CA10: variants seen among roughly 807,000 people sequenced by gnomAD.
CA10 encodes carbonic anhydrase-related protein 10.
Under a neutral mutation model 44.2 loss-of-function variants are expected in CA10, and 14 were observed. The observed-to-expected ratio is 0.32, with a 90% CI of 0.21 to 0.50. The LOEUF (loss-of-function observed/expected upper bound fraction) is 0.50. Among genes scored for constraint, CA10 ranks in the 20% least tolerant of loss-of-function variants. CA10 has a pLI of 0.99. For missense variants in CA10, 350 were observed against 409.7 expected, an observed-to-expected ratio of 0.85 and a Z score of 1.26; for synonymous variants, 159 against 141.6, an observed-to-expected ratio of 1.12 and a Z score of -0.87.
intron 3 of CA10, among the ~76,000 whole-genome samples, chr17:51,846,650 G>C (rs1357149978): frequency 6.6e-6 from 1 of 152,184 alleles, no homozygotes; most frequent in African/African-American, 2.4e-5. Flanking sequence ...TTGAATGCCA[G>C]CAAAAAGGAT....
intron 2 of CA10, among the ~76,000 whole-genome samples, chr17:52,011,734 G>A (rs1443367534): frequency 6.6e-6 from 1 of 152,028 alleles, no homozygotes; most frequent in African/African-American, 2.4e-5. Context: ...AAGAACTACA[G>A]GAGATCATGA....
chr17:51,747,736 G>C lies in CA10; in HGVS notation c.362C>G (p.Pro121Arg), dbSNP rs1328215586. The C allele has an allele frequency of 6.2e-7, 1 of 1,614,004 alleles. No individual in the cohort carries two copies. Among genetic ancestry groups the C allele is most frequent in the African/African-American group, 1.3e-5 (1 of 74,924 alleles). The change falls in exon 4 of 9, where the codon CCC becomes CGC. Residue 121 changes from proline to arginine, a missense_variant. Coordinates refer to ENST00000451037, the MANE Select transcript of CA10 (RefSeq NM_020178.5). ...CTCCAGCCGGTGGCTGTATGTCATGGGCCCTCCAGATATGTTGACCAAGTG... is the reference window on the plus strand; with the variant it reads ...CTCCAGCCGGTGGCTGTATGTCATGCGCCCTCCAGATATGTTGACCAAGTG... ...KEHLVNISGGPMTYSHRLEEI... is the reference protein window; with the variant it reads ...KEHLVNISGGRMTYSHRLEEI...
At chr17:51,727,820 C>A (rs958100288) in intron 4 of CA10, among the ~76,000 whole-genome samples, 1 of 151,950 alleles carries the variant, frequency 6.6e-6, no homozygotes, top group South Asian at 2.1e-4. Flanking sequence ...ACAGACGATG[C>A]CCCTGTTATT....
At position 52,069,829 on chromosome 17, in the gene CA10, C is replaced by T. The variant is rs79587861; in HGVS notation, c.136+2490G>A. ...GATTCACAACTGTTATGCCAACTGA[C>T]TATTATTTCTAGACACTTCAGTGAG... On this transcript the variant is annotated intron_variant, in intron 2 of 8. Coordinates refer to ENST00000451037, the MANE Select transcript of CA10 (RefSeq NM_020178.5). Among the ~76,000 whole-genome samples, 1,175 of 152,226 alleles carry T rather than the reference C, an allele frequency of 7.7e-3. 13 individuals are homozygous for T. Among genetic ancestry groups the T allele is most frequent in the African/African-American group, 0.027 (1,117 of 41,522 alleles).
At chr17:51,963,862 A>T (rs1287795314) in intron 2 of CA10, among the ~76,000 whole-genome samples, 4 of 152,094 alleles carry the variant, frequency 2.6e-5, no homozygotes, top group African/African-American at 9.7e-5. Flanking sequence ...AACAATAGAA[A>T]CTATAAAGCA....
At chr17:51,826,881 A>G (rs1316116909) in intron 3 of CA10, among the ~76,000 whole-genome samples, 2 of 152,138 alleles carry the variant, frequency 1.3e-5, no homozygotes, top group Non-Finnish European at 2.9e-5. Context: ...CAAATAGCTA[A>G]AGGCAGTGAC....
chr17:52,061,531 T>G (rs967024963), intron 2 of CA10, among the ~76,000 whole-genome samples: 33 of 152,282 alleles, frequency 2.2e-4, no homozygotes, highest in African/African-American at 7.9e-4. Context: ...CACCCAAATC[T>G]CATCTTAAAT....
At chr17:51,665,799 G>A (rs530850786) in intron 4 of CA10, among the ~76,000 whole-genome samples, 1 of 152,352 alleles carries the variant, frequency 6.6e-6, no homozygotes, top group East Asian at 1.9e-4. Context: ...TGTCACATAG[G>A]CAGCCTGTCA....
chr17:51,951,680 T>C (rs1983489511), intron 2 of CA10, among the ~76,000 whole-genome samples: 1 of 152,230 alleles, frequency 6.6e-6, no homozygotes, highest in African/African-American at 2.4e-5. Flanking sequence ...TACTTTACTA[T>C]TGGAAAAACC....
In CA10 at chr17:52,063,211, T is replaced by C. The variant is rs113705318; in HGVS notation, c.136+9108A>G. Among the ~76,000 whole-genome samples the C allele has an allele frequency of 4.9e-3, 753 of 152,350 alleles. 2 individuals are homozygous for C. Among genetic ancestry groups the C allele is most frequent in the African/African-American group, 0.017 (701 of 41,596 alleles). On this transcript the variant is annotated intron_variant, in intron 2 of 8. Coordinates refer to ENST00000451037, the MANE Select transcript of CA10 (RefSeq NM_020178.5). ...TGTTTACCTAATGCCTATACAAACA[T>C]TGCATATTATAAGTAGATGAATTGC... is the stretch of plus-strand genomic sequence containing the variant.
At chr17:51,963,289 T>G (rs1366888958) in intron 2 of CA10, among the ~76,000 whole-genome samples, 2 of 152,080 alleles carry the variant, frequency 1.3e-5, no homozygotes, top group South Asian at 4.2e-4. Flanking sequence ...AACCAACAAA[T>G]TATTGGCATT....
chr17:51,906,599 A>G (rs911860768), intron 3 of CA10, among the ~76,000 whole-genome samples: 1 of 152,132 alleles, frequency 6.6e-6, no homozygotes, highest in African/African-American at 2.4e-5. Context: ...CCATGGACCA[A>G]CAAATTTATA....
intron 4 of CA10, among the ~76,000 whole-genome samples, chr17:51,743,161 C>T (rs949323383): frequency 1.3e-5 from 2 of 152,118 alleles, no homozygotes; most frequent in African/African-American, 4.8e-5. Context: ...TACCCTTCTG[C>T]CCCCTTGAAA....
chr17:52,133,019 G>A (rs1027811776), intron 1 of CA10, among the ~76,000 whole-genome samples: 11 of 152,166 alleles, frequency 7.2e-5, no homozygotes, highest in African/African-American at 2.7e-4. Flanking sequence ...TGCAGATAAG[G>A]ATTATATGAC....
At chr17:51,904,534 G>T (rs1407254310) in intron 3 of CA10, among the ~76,000 whole-genome samples, 1 of 151,986 alleles carries the variant, frequency 6.6e-6, no homozygotes, top group Admixed American at 6.6e-5. Context: ...TTTTATATTT[G>T]CTAGGGATTT....
At chr17:51,938,138 C>G (rs1982936546) in intron 2 of CA10, among the ~76,000 whole-genome samples, 1 of 152,150 alleles carries the variant, frequency 6.6e-6, no homozygotes, top group Admixed American at 6.5e-5. Flanking sequence ...TACTAGGTGG[C>G]TTCATTTCTC....
At chr17:51,689,560 G>A (rs1255798231) in intron 4 of CA10, among the ~76,000 whole-genome samples, 3 of 152,176 alleles carry the variant, frequency 2.0e-5, no homozygotes, top group Admixed American at 2.0e-4. Flanking sequence ...GGGTTATTGA[G>A]ATATAAGGAA....
chr17:51,928,037 C>A (rs1486688192), intron 3 of CA10, among the ~76,000 whole-genome samples: 7 of 152,216 alleles, frequency 4.6e-5, no homozygotes, highest in Admixed American at 3.3e-4. Context: ...AATACAATTA[C>A]AGATTTAATA....
At chr17:52,008,793 C>T (rs1413319674) in intron 2 of CA10, among the ~76,000 whole-genome samples, 1 of 151,778 alleles carries the variant, frequency 6.6e-6, no homozygotes, top group Non-Finnish European at 1.5e-5. Flanking sequence ...ATTTTTTGAT[C>T]CTGCTTTTGA....
Sources: gnomAD v4.1 joint callset for allele counts (sites outside exome capture counted in the v4.1 genomes callset) on GRCh38, gnomAD v4.1.1 for gene constraint, MANE v1.5 for transcripts, NCBI Gene and HGNC (gene_info 2026-07-23, HGNC 2026-07-21) for gene names.